Variants in RPS6KA2 observed in about 807,000 individuals in gnomAD.
RPS6KA2 encodes ribosomal protein S6 kinase alpha-2.
RPS6KA2 carries 42 observed loss-of-function variants against 91.8 expected under a neutral mutation model. That is an observed-to-expected ratio of 0.46 (90% CI 0.36 to 0.59). RPS6KA2 has a LOEUF of 0.59. Among genes scored for constraint, RPS6KA2 ranks in the 20% least tolerant of loss-of-function variants. The pLI is 0.00. For missense variants in RPS6KA2, 798 were observed against 978.5 expected (o/e 0.82, Z 2.46); for synonymous variants, 414 against 393.6 (o/e 1.05, Z -0.61).
In RPS6KA2 at chr6:166,419,929, C is replaced by T. The variant is rs55690286; in HGVS notation, c.1773G>A (p.Ala591=). Residue 591 remains alanine, a synonymous_variant, in exon 18 of 21, where the codon GCG becomes GCA. Coordinates refer to ENST00000265678, the MANE Select transcript of RPS6KA2 (RefSeq NM_021135.6). The surrounding 1 kb of genome is among the most constrained non-coding windows in gnomAD (Gnocchi z 5.6). ...EVLKRQGYDA[A]CDIWSLGILL... is the part of the protein sequence containing the mutation. ...GGATCCCCAAACTCCAGATGTCACA[C>T]GCCGCATCATAGCCTTGACGCTTCA... 46 of 1,613,834 alleles carry T rather than the reference C, an allele frequency of 2.9e-5. No individual in the cohort carries two copies. The highest frequency in any genetic ancestry group is 1.6e-4 in the East Asian group (7 of 44,880).
At chr6:166,756,317 C>T (rs1217109058) in intron 2 of RPS6KA2, among the ~76,000 whole-genome samples, 1 of 152,084 alleles carries the variant, frequency 6.6e-6, no homozygotes, top group Non-Finnish European at 1.5e-5. Flanking sequence ...AAAATGTGCA[C>T]ACAGTTGGAA....
At position 166,419,896 on chromosome 6, in the gene RPS6KA2, G is replaced by A. The variant is rs1475793135; in HGVS notation, c.1806C>T (p.Tyr602=). Reference sequence around the variant, plus strand: ...TGACTGCTTACCCTGCCAGCATGGTGTACAACAGGATCCCCAAACTCCAGA... The same window carrying A: ...TGACTGCTTACCCTGCCAGCATGGTATACAACAGGATCCCCAAACTCCAGA... ...CDIWSLGILL[Y]TMLAGFTPFA... Residue 602 remains tyrosine (Y), a synonymous_variant, in exon 18 of 21, where the codon TAC becomes TAT. Transcript: ENST00000265678. This position sits in a 1 kb window ranked among gnomAD's most constrained non-coding sequence, Gnocchi z 5.6. 1.2e-6 allele frequency: 2 copies of A among 1,613,870 alleles called. No individual in the cohort carries two copies. Among genetic ancestry groups the A allele is most frequent in the East Asian group, 2.2e-5 (1 of 44,864 alleles).
intron 2 of RPS6KA2, among the ~76,000 whole-genome samples, chr6:166,535,532 T>C (rs1342567714): frequency 2.6e-5 from 4 of 152,236 alleles, no homozygotes; most frequent in African/African-American, 9.6e-5. Flanking sequence ...CCAGAATATT[T>C]TAAAGGAAAA....
intron 1 of RPS6KA2, among the ~76,000 whole-genome samples, chr6:166,539,711 C>A (rs1783594352): frequency 6.6e-6 from 1 of 152,142 alleles, no homozygotes; most frequent in Non-Finnish European, 1.5e-5. Flanking sequence ...GCTTCCTGTC[C>A]CCAGAGTCAC....
intron 2 of RPS6KA2, among the ~76,000 whole-genome samples, chr6:166,773,363 C>A (rs1583102194): frequency 1.3e-5 from 2 of 151,492 alleles, no homozygotes; most frequent in Non-Finnish European, 2.9e-5. Flanking sequence ...CTGAAGCAAT[C>A]CACTTTTCTT....
At chr6:166,813,958 C>A (rs185475574) in intron 2 of RPS6KA2, among the ~76,000 whole-genome samples, 7 of 152,192 alleles carry the variant, frequency 4.6e-5, no homozygotes, top group Admixed American at 3.3e-4. Context: ...TTAATGATGG[C>A]CGGTGTCTGG....
chr6:166,555,596 C>T (rs373480207), intron 1 of RPS6KA2, among the ~76,000 whole-genome samples: 2 of 152,032 alleles, frequency 1.3e-5, no homozygotes, highest in South Asian at 2.1e-4. Flanking sequence ...CCCATCGCCT[C>T]GTTCAGGGAT....
chr6:166,620,841 C>A (rs900345200), intron 1 of RPS6KA2, among the ~76,000 whole-genome samples: 3 of 152,164 alleles, frequency 2.0e-5, no homozygotes, highest in African/African-American at 7.2e-5. Context: ...CAGAAGGATT[C>A]AGTGGTTTGG....
intron 2 of RPS6KA2, among the ~76,000 whole-genome samples, chr6:166,762,529 T>G (rs1778205784): frequency 6.6e-6 from 1 of 152,136 alleles, no homozygotes; most frequent in South Asian, 2.1e-4. Flanking sequence ...ACTGGCCTCA[T>G]TTTCCCTTAC....
intron 10 of RPS6KA2, among the ~76,000 whole-genome samples, chr6:166,486,969 G>A (rs569105494): frequency 2.6e-5 from 4 of 152,310 alleles, no homozygotes; most frequent in East Asian, 1.9e-4. Context: ...CCGAGACACC[G>A]TCCTCCAGCC....
At chr6:166,539,958 G>A (rs1367865939) in intron 1 of RPS6KA2, among the ~76,000 whole-genome samples, 3 of 152,208 alleles carry the variant, frequency 2.0e-5, no homozygotes, top group Non-Finnish European at 1.5e-5. Context: ...GCTAAAATGC[G>A]CATCCAAAAA....
chr6:166,833,139 T>C (rs1780228471), intron 2 of RPS6KA2, among the ~76,000 whole-genome samples: 1 of 152,022 alleles, frequency 6.6e-6, no homozygotes, highest in Admixed American at 6.6e-5. Context: ...ATGAAGAAAA[T>C]ACAAATATTA....
chr6:166,701,462 C>G (rs1216982676), intron 2 of RPS6KA2: 58 of 1,152,134 alleles, frequency 5.0e-5, no homozygotes, highest in Non-Finnish European at 7.1e-5. Flanking sequence ...GGTGATCCAG[C>G]GATCATCACC....
chr6:166,513,612 C>G (rs1214232082), intron 3 of RPS6KA2, among the ~76,000 whole-genome samples: 2 of 152,178 alleles, frequency 1.3e-5, no homozygotes, highest in South Asian at 4.1e-4. Context: ...TACGTCCCAG[C>G]CAGCATGTGA....
At chr6:166,491,643 A>G (rs888516450) in intron 8 of RPS6KA2, among the ~76,000 whole-genome samples, 3 of 152,120 alleles carry the variant, frequency 2.0e-5, no homozygotes, top group Admixed American at 2.0e-4. Context: ...ATTCTCTCTC[A>G]TCTTTATTTT....
chr6:166,729,672 C>A (rs985339715), intron 2 of RPS6KA2, among the ~76,000 whole-genome samples: 2 of 152,188 alleles, frequency 1.3e-5, no homozygotes, highest in African/African-American at 4.8e-5. Flanking sequence ...TCTAAGAAAG[C>A]AATGTTTTCC....
At chr6:166,778,079 C>T (rs112451156) in intron 2 of RPS6KA2, among the ~76,000 whole-genome samples, 54 of 152,324 alleles carry the variant, frequency 3.5e-4, no homozygotes, top group African/African-American at 1.3e-3. Flanking sequence ...ATTTTGAAGG[C>T]TGAAGGACAG....
At chr6:166,449,579 G>A (rs2128454789) in intron 13 of RPS6KA2, among the ~76,000 whole-genome samples, 1 of 152,230 alleles carries the variant, frequency 6.6e-6, no homozygotes, top group East Asian at 1.9e-4. Flanking sequence ...TTTCATCATG[G>A]GAAAATGATG....
At chr6:166,851,212 C>T (rs767972122) in intron 2 of RPS6KA2, among the ~76,000 whole-genome samples, 1 of 152,162 alleles carries the variant, frequency 6.6e-6, no homozygotes, top group Non-Finnish European at 1.5e-5. Context: ...ACAGCCAGTC[C>T]TCTGCAGGCA....
Sources: gnomAD v4.1 joint callset for allele counts (sites outside exome capture counted in the v4.1 genomes callset) on GRCh38, gnomAD v4.1.1 for gene constraint, Gnocchi (gnomAD v3.1) non-coding constraint, MANE v1.5 for transcripts, NCBI Gene and HGNC (gene_info 2026-07-23, HGNC 2026-07-21) for gene names.